The following CDYL variants were observed in gnomAD, a reference collection of about 807,000 sequenced individuals.
CDYL encodes the protein chromodomain Y like, also known as chromodomain Y-like protein.
In CDYL, 8 loss-of-function variants were observed where a neutral mutation model predicts 47.3. The observed-to-expected ratio is 0.17, with a 90% CI of 0.10 to 0.31. The LOEUF is 0.31. Ranked by LOEUF, CDYL falls within the 10% of genes least tolerant of loss-of-function variation. The pLI is 1.00. For synonymous variants in CDYL, 266 were observed against 265.0 expected (o/e 1.00, Z -0.04); for missense variants, 471 against 701.4 (o/e 0.67, Z 3.71).
At chr6:4,788,546 C>G (rs1331764513) in intron 1 of CDYL, among the ~76,000 whole-genome samples, 1 of 149,112 alleles carries the variant, frequency 6.7e-6, no homozygotes, top group Admixed American at 6.7e-5. Context: ...AAAAGTGCTT[C>G]CCTTAGAGTT....
intron 3 of CDYL, among the ~76,000 whole-genome samples, chr6:4,737,164 G>T (rs770281494): frequency 8.5e-5 from 13 of 152,112 alleles, no homozygotes; most frequent in Non-Finnish European, 1.6e-4. Flanking sequence ...AAAACAAGTT[G>T]TAAAGACAAC....
At chr6:4,894,857 A>G (rs13200332) in intron 2 of CDYL, among the ~76,000 whole-genome samples, 6,617 of 55,492 alleles carry the variant, frequency 0.12, 417 homozygotes, top group African/African-American at 0.2. Flanking sequence ...GTGTGTGTGT[A>G]TATGTGTATA....
chr6:4,892,101 C>T lies in CDYL; in HGVS notation c.413C>T (p.Ser138Leu), dbSNP rs1238255830. 1 of 1,614,062 alleles carries T rather than the reference C, an allele frequency of 6.2e-7. No homozygotes were observed. The highest frequency in any genetic ancestry group is 1.3e-5 in the African/African-American group (1 of 74,906). Residue 138 changes from serine (S) to leucine (L), a missense_variant, in exon 2 of 7, where the codon TCA becomes TTA. Coordinates refer to ENST00000397588, the MANE Select transcript of CDYL (RefSeq NM_004824.4). The stretch of plus-strand genomic sequence containing the variant: ...CGGAAGAACATGGACCTAGCGAAGT[C>T]AGGTATCAAGATCCTCGTGCCTAAA... ...SSRKNMDLAK[S>L]GIKILVPKSP...
intron 3 of CDYL, among the ~76,000 whole-genome samples, chr6:4,753,654 C>A (rs1188127351): frequency 6.6e-6 from 1 of 152,012 alleles, no homozygotes; most frequent in Non-Finnish European, 1.5e-5. Flanking sequence ...GCTATCAGAC[C>A]CAACTGTAAG....
At chr6:4,769,405 T>A in intron 3 of CDYL, among the ~76,000 whole-genome samples, 1 of 152,326 alleles carries the variant, frequency 6.6e-6, no homozygotes, top group Middle Eastern at 3.4e-3. Flanking sequence ...CATAAATTAT[T>A]TAAAAGTCTG....
chr6:4,774,071 A>G (rs1758379025), upstream of CDYL, among the ~76,000 whole-genome samples: 1 of 152,162 alleles, frequency 6.6e-6, no homozygotes, highest in South Asian at 2.1e-4. Flanking sequence ...CCACAGTACC[A>G]TTACGCACAT....
intron 2 of CDYL, among the ~76,000 whole-genome samples, chr6:4,722,149 G>C (rs546684133): frequency 6.6e-6 from 1 of 152,118 alleles, no homozygotes; most frequent in South Asian, 2.1e-4. Context: ...CACTGCGCCC[G>C]GCCAGAGAAA....
At chr6:4,758,268 G>A (rs2127421929) in intron 3 of CDYL, among the ~76,000 whole-genome samples, 1 of 151,774 alleles carries the variant, frequency 6.6e-6, no homozygotes, top group Non-Finnish European at 1.5e-5. Context: ...GAACCCAGGA[G>A]GCAGAGGTTG....
chr6:4,921,755 G>A (rs141249370), intron 2 of CDYL, among the ~76,000 whole-genome samples: 129 of 151,366 alleles, frequency 8.5e-4, no homozygotes, highest in African/African-American at 3.0e-3. Flanking sequence ...GGCCACCTCC[G>A]TTTCTTTGCT....
chr6:4,753,937 C>G (rs577006649), intron 3 of CDYL, among the ~76,000 whole-genome samples: 3 of 152,154 alleles, frequency 2.0e-5, no homozygotes, highest in Non-Finnish European at 4.4e-5. Context: ...TTCTTACCCC[C>G]TTTTTCCCTT....
chr6:4,788,186 A>G (rs1483573685), intron 1 of CDYL, among the ~76,000 whole-genome samples: 1 of 151,976 alleles, frequency 6.6e-6, no homozygotes, highest in Non-Finnish European at 1.5e-5. Flanking sequence ...GGGTTTGGTG[A>G]ACTGTTTAAA....
intron 1 of CDYL, among the ~76,000 whole-genome samples, chr6:4,805,195 T>A (rs1759335628): frequency 6.6e-6 from 1 of 152,204 alleles, no homozygotes; most frequent in Non-Finnish European, 1.5e-5. Context: ...TAAGAGTAAG[T>A]TTTGCTTTAC....
chr6:4,794,262 A>T (rs1225177803), intron 1 of CDYL, among the ~76,000 whole-genome samples: 1 of 152,092 alleles, frequency 6.6e-6, no homozygotes, highest in East Asian at 1.9e-4. Flanking sequence ...GAACCGAGAG[A>T]TAGTGGTGCA....
chr6:4,829,271 T>C (rs1181244504), intron 1 of CDYL, among the ~76,000 whole-genome samples: 1 of 152,176 alleles, frequency 6.6e-6, no homozygotes, highest in African/African-American at 2.4e-5. Flanking sequence ...GAATTGGCTG[T>C]TTAGTGACAT....
At chr6:4,802,521 A>G (rs999315260) in intron 1 of CDYL, among the ~76,000 whole-genome samples, 2 of 152,162 alleles carry the variant, frequency 1.3e-5, no homozygotes, top group African/African-American at 4.8e-5. Flanking sequence ...CCTGGGTGAC[A>G]GAGTGAGACC....
Position 4,953,990 on chromosome 6 carries a change from C to A in CDYL, c.1569C>A (p.Ile523=). 6.2e-7 allele frequency: 1 copy of A among 1,614,126 alleles called. No individual in the cohort carries two copies. The highest frequency in any genetic ancestry group is 8.5e-7 in the Non-Finnish European group (1 of 1,180,010). ...GGGAGTGTGAGGTGCTGAAGAAAAT[C>A]TGGGGCTCGGCCCAGGGGATGGACT... ...NERECEVLKK[I]WGSAQGMDSM... The change falls in exon 7 of 7, where the codon ATC becomes ATA. Residue 523 remains isoleucine, a synonymous_variant. Transcript: ENST00000397588.
At position 4,726,834 on chromosome 6, in the gene CDYL, A is replaced by C. The variant is rs748649795; in HGVS notation, c.104-7928A>C. 1.9e-4 allele frequency among the ~76,000 whole-genome samples: 29 copies of C among 152,328 alleles called. 1 individual carries two copies. Among genetic ancestry groups the C allele is most frequent in the South Asian group, 1.7e-3 (8 of 4,832 alleles). ...CATGAAAAGACAAGTCTCCATGTGA[A>C]GGGTGCTTATGATTTTTGGAAAACA... On this transcript the variant is annotated intron_variant, in intron 2 of 8. Coordinates refer to the CDYL transcript ENST00000328908.
At chr6:4,853,420 A>G (rs1760911181) in intron 1 of CDYL, among the ~76,000 whole-genome samples, 1 of 152,198 alleles carries the variant, frequency 6.6e-6, no homozygotes, top group African/African-American at 2.4e-5. Context: ...CAGGACTTCC[A>G]ACTGCGGAAC....
chr6:4,735,235 G>C (rs1396668059), intron 3 of CDYL, among the ~76,000 whole-genome samples: 2 of 151,678 alleles, frequency 1.3e-5, no homozygotes, highest in Non-Finnish European at 2.9e-5. Context: ...GCGGTGAGCT[G>C]AGATTCATTA....
Sources: allele counts gnomAD v4.1 joint callset (sites outside exome capture counted in the v4.1 genomes callset), GRCh38; gene constraint gnomAD v4.1.1; transcripts MANE v1.5; gene names NCBI Gene and HGNC (gene_info 2026-07-23, HGNC 2026-07-21).